ADAMTS2: variants seen among roughly 807,000 people sequenced by gnomAD.
ADAMTS2 encodes the protein A disintegrin and metalloproteinase with thrombospondin motifs 2.
ADAMTS2 carries 50 observed loss-of-function variants against 123.0 expected under a neutral mutation model. The ratio of observed to expected loss-of-function variants is 0.41; its 90% confidence interval spans 0.32 to 0.51. The LOEUF is 0.51. Ranked by LOEUF, ADAMTS2 falls within the 20% of genes least tolerant of loss-of-function variation. The pLI, the probability that ADAMTS2 is intolerant of heterozygous loss-of-function variation, is 0.35. For synonymous variants in ADAMTS2, 678 were observed against 695.4 expected, an observed-to-expected ratio of 0.98 and a Z score of 0.39; for missense variants, 1,494 against 1,705.2, an observed-to-expected ratio of 0.88 and a Z score of 2.18.
At chr5:179,165,507 C>T (rs1187818476) in intron 5 of ADAMTS2, among the ~76,000 whole-genome samples, 1 of 152,190 alleles carries the variant, frequency 6.6e-6, no homozygotes, top group African/African-American at 2.4e-5. Context: ...TCCACCTGTT[C>T]CTAGCTGTGC....
At chr5:179,142,310 A>C (rs953434096) in intron 10 of ADAMTS2, among the ~76,000 whole-genome samples, 1 of 152,182 alleles carries the variant, frequency 6.6e-6, no homozygotes, top group African/African-American at 2.4e-5. Context: ...AAGCGTTTGG[A>C]ACCAGAAGTG....
chr5:179,216,855 C>T (rs958461917), intron 3 of ADAMTS2, among the ~76,000 whole-genome samples: 24 of 152,224 alleles, frequency 1.6e-4, no homozygotes, highest in African/African-American at 2.7e-4. Flanking sequence ...TGCTAGGAAA[C>T]GGCGGAGGTG....
At chr5:179,236,216 T>G (rs1237690880) in intron 3 of ADAMTS2, among the ~76,000 whole-genome samples, 1 of 152,136 alleles carries the variant, frequency 6.6e-6, no homozygotes, top group Non-Finnish European at 1.5e-5. Flanking sequence ...CTTCCCTCCC[T>G]CCAAGTCTTG....
At chr5:179,321,014 C>A (rs576290620) in intron 2 of ADAMTS2, among the ~76,000 whole-genome samples, 134 of 152,292 alleles carry the variant, frequency 8.8e-4, no homozygotes, top group African/African-American at 3.1e-3. Context: ...CTGGATCCAG[C>A]CACACCTGAA....
chr5:179,272,088 C>T lies in ADAMTS2; in HGVS notation c.688+823G>A, dbSNP rs1039022451. Among the ~76,000 whole-genome samples the T allele has an allele frequency of 1.2e-4, 19 of 152,228 alleles. No individual in the cohort carries two copies. Among genetic ancestry groups the T allele is most frequent in the African/African-American group, 2.4e-4 (10 of 41,458 alleles). On this transcript the variant is annotated intron_variant, in intron 3 of 21. Transcript: ENST00000251582. This position sits in a 1 kb window ranked among gnomAD's most constrained non-coding sequence, Gnocchi z 5.8. ...CACAGGCCAGGAGTCCCTGACCACA[C>T]GGGGGACCCTGAGAACTATGGGCCT...
At chr5:179,187,740 T>A (rs1470316137) in intron 4 of ADAMTS2, among the ~76,000 whole-genome samples, 1 of 152,142 alleles carries the variant, frequency 6.6e-6, no homozygotes, top group Non-Finnish European at 1.5e-5. Flanking sequence ...TCTGAGAAAT[T>A]GATCCTGGAA....
intron 4 of ADAMTS2, among the ~76,000 whole-genome samples, chr5:179,186,294 T>C (rs993554615): frequency 6.6e-6 from 1 of 152,192 alleles, no homozygotes; most frequent in African/African-American, 2.4e-5. Flanking sequence ...TGCCCCTGCG[T>C]GTGCTATGGC....
At chr5:179,148,765 C>A (rs1455184243) in intron 10 of ADAMTS2, among the ~76,000 whole-genome samples, 1 of 152,196 alleles carries the variant, frequency 6.6e-6, no homozygotes, top group Non-Finnish European at 1.5e-5. Flanking sequence ...CTTGCTAAAA[C>A]CCTCCCAGAC....
chr5:179,196,415 AG>A (rs1253705252), intron 4 of ADAMTS2, among the ~76,000 whole-genome samples: 1 of 152,236 alleles, frequency 6.6e-6, no homozygotes, highest in African/African-American at 2.4e-5. Context: ...TTGGGGGCTC[AG>A]GCATTCTCCC....
intron 2 of ADAMTS2, among the ~76,000 whole-genome samples, chr5:179,342,556 C>A (rs1177234927): frequency 6.6e-6 from 1 of 152,260 alleles, no homozygotes; most frequent in Non-Finnish European, 1.5e-5. Flanking sequence ...GTGTAATTGC[C>A]GGCTCTGCAG....
At chr5:179,326,274 G>A (rs1197340295) in intron 2 of ADAMTS2, among the ~76,000 whole-genome samples, 5 of 151,704 alleles carry the variant, frequency 3.3e-5, no homozygotes, top group Admixed American at 6.6e-5. Context: ...CTGTATTGGC[G>A]GGAAGAGCTA....
rs993420545 is a variant in ADAMTS2 at position 179,185,572 on chromosome 5, T to C, written c.892-4417A>G. The stretch of plus-strand genomic sequence containing the variant: ...AAGGAATCTTGTGTCCTTCTGAACA[T>C]TGAGCAGATCTAATCCTGCTCCCTG... On this transcript the variant is annotated intron_variant, in intron 4 of 21. Transcript: ENST00000251582. The surrounding 1 kb of genome is among the most constrained non-coding windows in gnomAD (Gnocchi z 5.9). Among the ~76,000 whole-genome samples, 11 of 152,244 alleles carry C rather than the reference T, an allele frequency of 7.2e-5. No individual in the cohort carries two copies. Among genetic ancestry groups the C allele is most frequent in the African/African-American group, 2.2e-4 (9 of 41,562 alleles).
intron 7 of ADAMTS2, 125 bp from the exon 8 acceptor site, chr5:179,154,317 A>C: frequency 7.2e-7 from 1 of 1,384,668 alleles, no homozygotes; most frequent in South Asian, 1.3e-5. Context: ...GCCCACTCTG[A>C]GCCGGGTGGC....
chr5:179,129,810 G>C lies in ADAMTS2; in HGVS notation c.2457+122C>G. 1 of 1,357,524 alleles carries C rather than the reference G, an allele frequency of 7.4e-7. No homozygotes were observed. Among genetic ancestry groups the C allele is most frequent in the Non-Finnish European group, 1.0e-6 (1 of 988,404 alleles). The allele number at this position is 1,357,524 out of a possible 1,614,324, so 84.1% of individuals were successfully genotyped here. Reference sequence around the variant, plus strand: ...TCGGAGCCCCTTGGTGCCAAAGGCAGGCCAAAGGGGCCACGCAGAGTGTCA... The same window carrying C: ...TCGGAGCCCCTTGGTGCCAAAGGCACGCCAAAGGGGCCACGCAGAGTGTCA... On this transcript the variant is annotated intron_variant, in intron 16 of 21. Transcript: ENST00000251582. This position sits in a 1 kb window ranked among gnomAD's most constrained non-coding sequence, Gnocchi z 4.1.
At chr5:179,293,436 A>C (rs1756243475) in intron 2 of ADAMTS2, among the ~76,000 whole-genome samples, 1 of 151,958 alleles carries the variant, frequency 6.6e-6, no homozygotes, top group African/African-American at 2.4e-5. Flanking sequence ...CCGTGCGCTG[A>C]GCTAGACAGA....
rs181604715 is a variant in ADAMTS2, at chr5:179,162,728, T to A, written c.976-3849A>T. 6.6e-6 allele frequency among the ~76,000 whole-genome samples: 1 copy of A among 152,282 alleles called. No homozygotes were observed. Among genetic ancestry groups the A allele is most frequent in the Non-Finnish European group, 1.5e-5 (1 of 68,020 alleles). ...AGGGCATGGACATTAAGAGACTGGG[T>A]CACTGGCGGCCATCACGAAGGCTGC... On this transcript the variant is annotated intron_variant, in intron 5 of 21. Coordinates refer to ENST00000251582, the MANE Select transcript of ADAMTS2 (RefSeq NM_014244.5). The surrounding 1 kb of genome is among the most constrained non-coding windows in gnomAD (Gnocchi z 5.1).
At chr5:179,265,440 C>T (rs1766342239) in intron 3 of ADAMTS2, among the ~76,000 whole-genome samples, 2 of 152,280 alleles carry the variant, frequency 1.3e-5, no homozygotes, top group South Asian at 2.1e-4. Flanking sequence ...GGCCCAGACG[C>T]CGTGGAGGGG....
chr5:179,208,141 C>CCTCCCTTGCCCG lies in ADAMTS2; in HGVS notation c.689-427_689-426insCGGGCAAGGGAG, dbSNP rs1764757652. ...CTGCCTGACGCTGGAGTGGGCAGAGCCACCCCTTGCCCACACTGCCCGATG... is the reference window on the plus strand; with the variant it reads ...CTGCCTGACGCTGGAGTGGGCAGAGCCTCCCTTGCCCGCACCCCTTGCCCACACTGCCCGATG... On this transcript the variant is annotated intron_variant, in intron 3 of 21. Coordinates refer to ENST00000251582, the MANE Select transcript of ADAMTS2 (RefSeq NM_014244.5). Among the ~76,000 whole-genome samples, 3 of 101,584 alleles carry CCTCCCTTGCCCG rather than the reference C, an allele frequency of 3.0e-5. 1 individual carries two copies. The highest frequency in any genetic ancestry group is 8.2e-5 in the Non-Finnish European group (3 of 36,636). The allele number at this position is 101,584 out of a possible 152,430, so 66.6% of individuals were successfully genotyped here.
chr5:179,251,218 C>T (rs1235451761), intron 3 of ADAMTS2, among the ~76,000 whole-genome samples: 2 of 152,112 alleles, frequency 1.3e-5, no homozygotes, highest in African/African-American at 2.4e-5. Context: ...TGTGAGACAG[C>T]GTAAGTGAAA....
Sources: gnomAD v4.1 joint callset for allele counts (sites outside exome capture counted in the v4.1 genomes callset) on GRCh38, gnomAD v4.1.1 for gene constraint, Gnocchi (gnomAD v3.1) non-coding constraint, MANE v1.5 for transcripts, NCBI Gene and HGNC (gene_info 2026-07-23, HGNC 2026-07-21) for gene names.